ZFHX3: variants seen among roughly 807,000 people sequenced by gnomAD.
ZFHX3 encodes the protein zinc finger homeobox 3, also known as zinc finger homeobox protein 3.
ZFHX3 carries 42 observed loss-of-function variants against 279.1 expected under a neutral mutation model. The ratio of observed to expected loss-of-function variants is 0.15; its 90% CI spans 0.12 to 0.19. The LOEUF (loss-of-function observed/expected upper bound fraction) is 0.19, where lower values mean the gene tolerates loss of function less well. ZFHX3 is among the 10% of genes least tolerant of loss of function. The pLI is 1.00. For missense variants in ZFHX3, 4,981 were observed against 4,754.0 expected, an observed-to-expected ratio of 1.05 and a Z score of -1.40; for synonymous variants, 2,293 against 1,957.8, an observed-to-expected ratio of 1.17 and a Z score of -4.52.
At chr16:72,842,731 G>GA (rs1485822975) in intron 4 of ZFHX3, among the ~76,000 whole-genome samples, 9 of 151,698 alleles carry the variant, frequency 5.9e-5, no homozygotes, top group Admixed American at 3.9e-4. Context: ...ATTATGGTAG[G>GA]AAAAAAACCG....
rs188351308 is a variant in ZFHX3, at chr16:73,678,794, T to C, written c.-1547+1386A>G. On this transcript the variant is annotated intron_variant, in intron 2 of 17. Transcript: ENST00000641206. The stretch of plus-strand genomic sequence containing the variant: ...TTTCATTTCATACATCATTTACAGC[T>C]TGCTTCAGTGATTCTGCAAAATCAG... 1.6e-3 allele frequency among the ~76,000 whole-genome samples: 246 copies of C among 152,272 alleles called. 2 individuals are homozygous for C. The highest frequency in any genetic ancestry group is 3.4e-3 in the Middle Eastern group (1 of 294).
chr16:73,499,710 C>G (rs1011120636), intron 2 of ZFHX3: 1 of 152,090 alleles, frequency 6.6e-6, no homozygotes, highest in Admixed American at 6.5e-5. Flanking sequence ...GAAAAATATC[C>G]AACTGTCACA....
chr16:73,855,726 T>C (rs1961710362), intron 1 of ZFHX3, among the ~76,000 whole-genome samples: 1 of 152,094 alleles, frequency 6.6e-6, no homozygotes, highest in South Asian at 2.1e-4. Context: ...ACTTCCCAAA[T>C]AAGCTACATG....
intron 1 of ZFHX3, among the ~76,000 whole-genome samples, chr16:72,975,463 A>G (rs776140677): frequency 6.6e-6 from 1 of 151,954 alleles, no homozygotes; most frequent in Non-Finnish European, 1.5e-5. Context: ...ATACAATACA[A>G]TCAGGAGAGA....
chr16:73,097,744 C>T (rs1966183081), intron 7 of ZFHX3, among the ~76,000 whole-genome samples: 1 of 152,138 alleles, frequency 6.6e-6, no homozygotes, highest in African/African-American at 2.4e-5. Context: ...TCCCCGTGGC[C>T]CCTCCAGCCC....
At chr16:73,132,284 C>CAA (rs11405567) in intron 6 of ZFHX3, among the ~76,000 whole-genome samples, 1 of 151,084 alleles carries the variant, frequency 6.6e-6, no homozygotes, top group African/African-American at 2.4e-5. Context: ...GACTCTGTCT[C>CAA]AAAAAAAAGA....
chr16:72,869,266 G>A (rs1357406731), intron 4 of ZFHX3, among the ~76,000 whole-genome samples: 2 of 152,162 alleles, frequency 1.3e-5, no homozygotes, highest in Non-Finnish European at 2.9e-5. Flanking sequence ...TCCCTTCTGT[G>A]AGCTCTTGCA....
At chr16:73,434,748 G>T (rs2143522959) in intron 3 of ZFHX3, among the ~76,000 whole-genome samples, 1 of 152,228 alleles carries the variant, frequency 6.6e-6, no homozygotes, top group Non-Finnish European at 1.5e-5. Context: ...TTCTCCAGTT[G>T]CTGGGACAAT....
chr16:73,317,670 C>T (rs546946006), intron 4 of ZFHX3, among the ~76,000 whole-genome samples: 1 of 152,260 alleles, frequency 6.6e-6, no homozygotes, highest in East Asian at 1.9e-4. Flanking sequence ...CGTAAGGATG[C>T]CTGACCCAGA....
intron 4 of ZFHX3, among the ~76,000 whole-genome samples, chr16:73,287,962 C>G (rs1194440323): frequency 6.6e-6 from 1 of 152,110 alleles, no homozygotes; most frequent in Non-Finnish European, 1.5e-5. Context: ...AGGAGCCCTC[C>G]TCCAAGCCTT....
intron 4 of ZFHX3, among the ~76,000 whole-genome samples, chr16:72,854,769 T>C (rs947795269): frequency 1.3e-5 from 2 of 151,842 alleles, no homozygotes; most frequent in African/African-American, 4.8e-5. Context: ...GAGAGCCCGA[T>C]TGAGCCTCAT....
chr16:73,856,208 C>T (rs569746703), intron 1 of ZFHX3, among the ~76,000 whole-genome samples: 4 of 152,234 alleles, frequency 2.6e-5, no homozygotes, highest in South Asian at 2.1e-4. Flanking sequence ...GCAGTGACTA[C>T]GTGTAGGTGG....
At chr16:73,258,277 T>C (rs1174288983) in intron 4 of ZFHX3, among the ~76,000 whole-genome samples, 1 of 151,954 alleles carries the variant, frequency 6.6e-6, no homozygotes, top group African/African-American at 2.4e-5. Flanking sequence ...GGAAAAGATT[T>C]GAGCCCAGAA....
intron 2 of ZFHX3, among the ~76,000 whole-genome samples, chr16:73,465,903 G>A (rs2018561029): frequency 6.6e-6 from 1 of 152,136 alleles, no homozygotes; most frequent in Non-Finnish European, 1.5e-5. Context: ...ACAGTAAGGA[G>A]ATGACAGGCT....
chr16:72,922,346 C>A (rs1480575393), intron 3 of ZFHX3, among the ~76,000 whole-genome samples: 2 of 152,156 alleles, frequency 1.3e-5, no homozygotes, highest in Non-Finnish European at 2.9e-5. Context: ...GACGGTGAGG[C>A]CCCCCTGTCC....
chr16:73,625,056 A>AG (rs1485140069), intron 2 of ZFHX3, among the ~76,000 whole-genome samples: 1 of 152,230 alleles, frequency 6.6e-6, no homozygotes, highest in African/African-American at 2.4e-5. Context: ...GAGGAAAAAG[A>AG]GTCATTTTTA....
intron 2 of ZFHX3, among the ~76,000 whole-genome samples, chr16:73,522,390 T>C (rs1478666572): frequency 6.6e-6 from 1 of 152,202 alleles, no homozygotes; most frequent in Non-Finnish European, 1.5e-5. Context: ...AGGTTTCTCT[T>C]TGTCTAACTT....
intron 1 of ZFHX3, among the ~76,000 whole-genome samples, chr16:73,805,836 T>A (rs1960262331): frequency 6.6e-6 from 1 of 152,200 alleles, no homozygotes; most frequent in South Asian, 2.1e-4. Flanking sequence ...ATGGGGGTAC[T>A]TCTTCGGCTC....
intron 5 of ZFHX3, among the ~76,000 whole-genome samples, chr16:73,247,461 T>C (rs974833565): frequency 4.0e-5 from 6 of 151,620 alleles, no homozygotes; most frequent in Non-Finnish European, 7.4e-5. Flanking sequence ...AGTGTGTATA[T>C]ACTGCGTATA....
Sources: allele counts gnomAD v4.1 joint callset (sites outside exome capture counted in the v4.1 genomes callset), GRCh38; gene constraint gnomAD v4.1.1; transcripts MANE v1.5; gene names NCBI Gene and HGNC (gene_info 2026-07-23, HGNC 2026-07-21).